The following FUT8 variants were observed in gnomAD, a reference collection of about 807,000 sequenced individuals.
The protein encoded by FUT8 is fucosyltransferase 8.
FUT8 carries 29 observed loss-of-function variants against 71.3 expected under a neutral mutation model. The observed-to-expected ratio is 0.41, with a 90% CI of 0.30 to 0.55. FUT8 has a LOEUF of 0.55. Among genes scored for constraint, FUT8 ranks in the 20% least tolerant of loss-of-function variants. The pLI, the probability that FUT8 is intolerant of heterozygous loss-of-function variation, is 0.34. For synonymous variants in FUT8, 254 were observed against 239.3 expected (o/e 1.06, Z -0.57); for missense variants, 544 against 702.1 (o/e 0.77, Z 2.55).
At chr14:65,390,725 C>CTTT in the FUT8 span, among the ~76,000 whole-genome samples, 99 of 134,642 alleles carry the variant, frequency 7.4e-4, 3 homozygotes, top group East Asian at 2.0e-3. Flanking sequence ...ATTTCCTATT[C>CTTT]TTTTTTTTTT....
intron 3 of FUT8, 57 bp downstream of exon 3, chr14:65,561,823 G>A (rs1885929997): frequency 2.2e-6 from 3 of 1,395,342 alleles, no homozygotes; most frequent in African/African-American, 1.4e-5. Flanking sequence ...GTTTTTAGGT[G>A]TAGGGCTTCA....
At chr14:65,412,038 G>T, upstream of FUT8, 1 of 456,732 alleles carries the variant, frequency 2.2e-6, no homozygotes, top group South Asian at 1.5e-5. Flanking sequence ...TCCCCGTGCT[G>T]TTCTCTTTCC....
chr14:65,414,889 T>A (rs1680083025), intron 1 of FUT8, among the ~76,000 whole-genome samples: 1 of 152,196 alleles, frequency 6.6e-6, no homozygotes. Flanking sequence ...ATAATTTCCA[T>A]AAAGTACGGC....
chr14:65,440,651 G>T (rs577529415), intron 1 of FUT8, among the ~76,000 whole-genome samples: 1 of 152,230 alleles, frequency 6.6e-6, no homozygotes, highest in African/African-American at 2.4e-5. Context: ...TTAAAATGAA[G>T]TTTAAACATT....
At chr14:65,611,288 CA>C (rs1888972949) in intron 3 of FUT8, among the ~76,000 whole-genome samples, 9 of 42,938 alleles carry the variant, frequency 2.1e-4, no homozygotes, top group Non-Finnish European at 3.1e-4. Context: ...CACACACACA[CA>C]CACACACACA....
intron 2 of FUT8, among the ~76,000 whole-genome samples, chr14:65,540,080 C>T (rs546235994): frequency 3.9e-5 from 6 of 152,260 alleles, no homozygotes; most frequent in African/African-American, 1.4e-4. Context: ...GACAGATGGC[C>T]AGGGAAGTAA....
chr14:65,491,661 TAGC>T (rs1244556083), intron 2 of FUT8, among the ~76,000 whole-genome samples: 8 of 152,266 alleles, frequency 5.3e-5, no homozygotes, highest in African/African-American at 1.4e-4. Context: ...TGAGGAAAGG[TAGC>T]AGGTAAAATG....
At chr14:65,635,425 A>G (rs1462895357) in intron 6 of FUT8, among the ~76,000 whole-genome samples, 2 of 152,160 alleles carry the variant, frequency 1.3e-5, no homozygotes, top group Non-Finnish European at 2.9e-5. Context: ...TAATTCTCAC[A>G]GGGAATGCTT....
Position 65,669,329 on chromosome 14 carries a change from C to A in FUT8, c.684C>A (p.Val228=). ...CGYGCQLHHV[V]YCFMIAYGTQ... is the part of the protein sequence containing the mutation. ...ATGGCTGTCAGCTCCATCATGTGGT[C>A]TACTGCTTCATGATTGCATATGGCA... is the stretch of plus-strand genomic sequence containing the variant. Residue 228 remains valine, a synonymous_variant, in exon 7 of 11, where the codon GTC becomes GTA. Coordinates refer to ENST00000673929, the MANE Select transcript of FUT8 (RefSeq NM_001371533.1). This position sits in a 1 kb window ranked among gnomAD's most constrained non-coding sequence, Gnocchi z 4.5. The A allele has an allele frequency of 6.2e-7, 1 of 1,613,868 alleles. No individual in the cohort carries two copies. The highest frequency in any genetic ancestry group is 1.1e-5 in the South Asian group (1 of 91,072).
At chr14:65,454,053 A>G (rs372373124) in intron 1 of FUT8, among the ~76,000 whole-genome samples, 1 of 152,180 alleles carries the variant, frequency 6.6e-6, no homozygotes, top group East Asian at 1.9e-4. Context: ...GTTGTTCACT[A>G]TCTGGAAACT....
At chr14:65,642,453 A>G (rs1179259300) in intron 6 of FUT8, among the ~76,000 whole-genome samples, 1 of 152,036 alleles carries the variant, frequency 6.6e-6, no homozygotes, top group African/African-American at 2.4e-5. Flanking sequence ...AAATACAAAA[A>G]TTAGCCAGGC....
intron 2 of FUT8, among the ~76,000 whole-genome samples, chr14:65,485,931 C>T (rs1327249530): frequency 6.6e-6 from 1 of 152,146 alleles, no homozygotes; most frequent in Non-Finnish European, 1.5e-5. Flanking sequence ...TTCTTTGTTG[C>T]TTAATGTCCA....
chr14:65,443,029 T>C (rs1164674929), intron 1 of FUT8, among the ~76,000 whole-genome samples: 1 of 152,136 alleles, frequency 6.6e-6, no homozygotes, highest in Non-Finnish European at 1.5e-5. Flanking sequence ...ATGTTAATAA[T>C]AGGGAAAACC....
intron 3 of FUT8, among the ~76,000 whole-genome samples, chr14:65,604,038 A>G (rs1467558107): frequency 1.3e-5 from 2 of 151,738 alleles, no homozygotes; most frequent in Admixed American, 1.3e-4. Flanking sequence ...ACAATCCTAA[A>G]CATATACAAG....
intron 1 of FUT8, among the ~76,000 whole-genome samples, chr14:65,428,412 A>G (rs2065420707): frequency 6.6e-6 from 1 of 152,128 alleles, no homozygotes; most frequent in Non-Finnish European, 1.5e-5. Flanking sequence ...CTTTACTATT[A>G]AAGAGGCCTG....
At chr14:65,729,400 G>A (rs1377241671) in intron 9 of FUT8, among the ~76,000 whole-genome samples, 3 of 151,968 alleles carry the variant, frequency 2.0e-5, no homozygotes, top group Admixed American at 6.6e-5. Context: ...TCTAATATTA[G>A]GCAGTCAGCT....
intron 2 of FUT8, among the ~76,000 whole-genome samples, chr14:65,538,822 A>G (rs907281229): frequency 6.6e-5 from 10 of 152,196 alleles, no homozygotes; most frequent in Non-Finnish European, 1.5e-5. Flanking sequence ...CAGGAGGCTG[A>G]GGCAGGAGAA....
At chr14:65,724,051 T>C in intron 8 of FUT8, 96 bp from the exon 9 acceptor site, 1 of 848,612 alleles carries the variant, frequency 1.2e-6, no homozygotes, top group African/African-American at 1.7e-5. Context: ...CAGTTAAAAA[T>C]GCCTATAATG....
intron 2 of FUT8, among the ~76,000 whole-genome samples, chr14:65,503,039 A>G (rs1207194513): frequency 6.6e-6 from 1 of 152,200 alleles, no homozygotes; most frequent in East Asian, 1.9e-4. Context: ...ATCATAAAGT[A>G]AGAGTTTCTA....
Sources: allele counts gnomAD v4.1 joint callset (sites outside exome capture counted in the v4.1 genomes callset), GRCh38; gene constraint gnomAD v4.1.1; non-coding constraint Gnocchi (gnomAD v3.1); transcripts MANE v1.5; gene names NCBI Gene and HGNC (gene_info 2026-07-23, HGNC 2026-07-21).